PCDH15: variants seen among roughly 807,000 people sequenced by gnomAD.
PCDH15 encodes the protein protocadherin-15.
In PCDH15, 129 loss-of-function variants were observed where a neutral mutation model predicts 178.5. The observed-to-expected ratio is 0.72, with a 90% confidence interval of 0.63 to 0.84. The LOEUF (loss-of-function observed/expected upper bound fraction) is 0.84. PCDH15 is among the 40% of genes least tolerant of loss of function. The pLI, the probability that PCDH15 is intolerant of heterozygous loss-of-function variation, is 0.00. For synonymous variants in PCDH15, 800 were observed against 732.0 expected (o/e 1.09, Z -1.50); for missense variants, 2,230 against 2,099.9 (o/e 1.06, Z -1.21).
intron 1 of PCDH15, among the ~76,000 whole-genome samples, chr10:54,665,626 T>G (rs1025494559): frequency 6.6e-6 from 1 of 152,060 alleles, no homozygotes; most frequent in Non-Finnish European, 1.5e-5. Flanking sequence ...TGTAAGCTCT[T>G]TTTTTAAACT....
At position 54,020,338 on chromosome 10, in the gene PCDH15, G is replaced by C. The variant is rs748325010; in HGVS notation, c.2605C>G (p.Pro869Ala). The change falls in exon 20 of 38, where the codon CCA (proline) becomes GCA (alanine). Residue 869 changes from proline (P) to alanine (A), a missense_variant. Transcript: ENST00000644397. ...PEVKHFFALH[P>A]FTGELSLLRS... Reference sequence around the variant, plus strand: ...AAAAGCGATAGTTCTCCTGTAAATGGATGTAGTGCAAAAAAGTGCTTCACT... The same window carrying C: ...AAAAGCGATAGTTCTCCTGTAAATGCATGTAGTGCAAAAAAGTGCTTCACT... 6.2e-7 allele frequency: 1 copy of C among 1,613,768 alleles called. No individual in the cohort carries two copies. The highest frequency in any genetic ancestry group is 1.7e-5 in the Admixed American group (1 of 59,972).
chr10:53,962,367 C>T (rs1036316314), intron 21 of PCDH15, among the ~76,000 whole-genome samples: 1 of 152,020 alleles, frequency 6.6e-6, no homozygotes. Context: ...TGTGTGCAAC[C>T]ATGCTTGGCT....
At chr10:55,209,480 C>G (rs1840500954) in intron 1 of PCDH15, among the ~76,000 whole-genome samples, 1 of 151,496 alleles carries the variant, frequency 6.6e-6, no homozygotes, top group South Asian at 2.1e-4. Context: ...ACGATGTGAG[C>G]ACAAGTGAAG....
chr10:55,554,421 T>G (rs1475556462), intron 2 of PCDH15, among the ~76,000 whole-genome samples: 1 of 152,050 alleles, frequency 6.6e-6, no homozygotes, highest in Admixed American at 6.6e-5. Context: ...TCTTTTCCAC[T>G]CAGTTTCCCC....
chr10:53,883,338 A>C (rs2133367803), intron 26 of PCDH15, among the ~76,000 whole-genome samples: 1 of 152,340 alleles, frequency 6.6e-6, no homozygotes, highest in South Asian at 2.1e-4. Context: ...TTTAAACATC[A>C]TACAACAGAA....
At chr10:55,475,967 A>G (rs1402919464) in intron 2 of PCDH15, among the ~76,000 whole-genome samples, 1 of 152,076 alleles carries the variant, frequency 6.6e-6, no homozygotes, top group Non-Finnish European at 1.5e-5. Flanking sequence ...CTATATCTGA[A>G]TAACAGTCAT....
intron 1 of PCDH15, among the ~76,000 whole-genome samples, chr10:55,184,540 C>A (rs1839743114): frequency 6.6e-6 from 1 of 151,926 alleles, no homozygotes; most frequent in South Asian, 2.1e-4. Flanking sequence ...TACTTGTACA[C>A]AATGTCTGTT....
At chr10:54,022,046 G>A (rs190194652) in intron 19 of PCDH15, among the ~76,000 whole-genome samples, 1 of 151,998 alleles carries the variant, frequency 6.6e-6, no homozygotes, top group African/African-American at 2.4e-5. Context: ...GTTCAATTAT[G>A]GAAGGGATAC....
intron 1 of PCDH15, among the ~76,000 whole-genome samples, chr10:55,286,924 T>C (rs1240668196): frequency 6.6e-6 from 1 of 152,042 alleles, no homozygotes; most frequent in Admixed American, 6.6e-5. Context: ...TGTTAAAATT[T>C]CAATTTTCTT....
chr10:54,014,889 G>A (rs2660141), intron 20 of PCDH15, among the ~76,000 whole-genome samples: 115,232 of 151,988 alleles, frequency 0.76, 43,909 homozygotes, highest in Middle Eastern at 0.86. Flanking sequence ...ACTCATCATA[G>A]TAATGGAAGT....
chr10:54,925,321 T>C (rs1371372039), intron 2 of PCDH15, among the ~76,000 whole-genome samples: 6 of 152,128 alleles, frequency 3.9e-5, no homozygotes, highest in Non-Finnish European at 8.8e-5. Flanking sequence ...TTCTGTACCA[T>C]CACCATGCTG....
chr10:54,446,559 T>C (rs551273028), intron 3 of PCDH15, among the ~76,000 whole-genome samples: 45 of 151,762 alleles, frequency 3.0e-4, no homozygotes, highest in South Asian at 1.7e-3. Flanking sequence ...GTCTTTTTCT[T>C]TTTGAATTAT....
At chr10:55,366,287 G>C (rs1430401697) in intron 2 of PCDH15, 1 of 152,004 alleles carries the variant, frequency 6.6e-6, no homozygotes, top group African/African-American at 2.4e-5. Flanking sequence ...TTTTATAATA[G>C]AGTGATAACT....
intron 2 of PCDH15, among the ~76,000 whole-genome samples, chr10:54,637,014 G>A (rs1359653526): frequency 6.6e-6 from 1 of 151,226 alleles, no homozygotes; most frequent in Admixed American, 6.6e-5. Context: ...AACTTTTATG[G>A]CATAGCGTAC....
At chr10:55,319,372 A>G (rs1843822877) in intron 1 of PCDH15, among the ~76,000 whole-genome samples, 1 of 152,198 alleles carries the variant, frequency 6.6e-6, no homozygotes, top group South Asian at 2.1e-4. Context: ...GAGAAAACAA[A>G]GGAGTTTCAT....
At chr10:55,243,837 T>G (rs1344650181) in intron 1 of PCDH15, among the ~76,000 whole-genome samples, 1 of 152,164 alleles carries the variant, frequency 6.6e-6, no homozygotes, top group Non-Finnish European at 1.5e-5. Context: ...TTTATTCCTT[T>G]GTTTAGAAGA....
chr10:55,193,960 A>T (rs1239990759), intron 1 of PCDH15, among the ~76,000 whole-genome samples: 1 of 152,022 alleles, frequency 6.6e-6, no homozygotes, highest in African/African-American at 2.4e-5. Context: ...TTACTGAATA[A>T]TACTAATATT....
At chr10:54,983,925 A>T (rs908734178) in intron 2 of PCDH15, among the ~76,000 whole-genome samples, 5 of 152,216 alleles carry the variant, frequency 3.3e-5, no homozygotes, top group Non-Finnish European at 5.9e-5. Context: ...CAAGTACTCC[A>T]CATTAGAAAG....
intron 1 of PCDH15, among the ~76,000 whole-genome samples, chr10:54,762,407 A>G (rs896515688): frequency 2.6e-5 from 4 of 152,282 alleles, no homozygotes; most frequent in African/African-American, 9.6e-5. Context: ...TATCTCAAAT[A>G]ATAACTAGTG....
Sources: gnomAD v4.1 joint callset for allele counts (sites outside exome capture counted in the v4.1 genomes callset) on GRCh38, gnomAD v4.1.1 for gene constraint, MANE v1.5 for transcripts, NCBI Gene and HGNC (gene_info 2026-07-23, HGNC 2026-07-21) for gene names.